MRAP2: variants seen among roughly 807,000 people sequenced by gnomAD.
The protein encoded by MRAP2 is melanocortin 2 receptor accessory protein 2.
Under a neutral mutation model 17.4 loss-of-function variants are expected in MRAP2, and 20 were observed. The ratio of observed to expected loss-of-function variants is 1.15; its 90% CI spans 0.81 to 1.67. MRAP2 has a LOEUF of 1.67. Among genes scored for constraint, MRAP2 ranks in the 40% most tolerant of loss-of-function variants. The pLI, the probability that MRAP2 is intolerant of heterozygous loss-of-function variation, is 0.00. For synonymous variants in MRAP2, 96 were observed against 88.4 expected (o/e 1.09, Z -0.48); for missense variants, 238 against 240.0 (o/e 0.99, Z 0.05).
At chr6:84,094,295 T>C (rs2099502294), downstream of MRAP2, among the ~76,000 whole-genome samples, 1 of 152,228 alleles carries the variant, frequency 6.6e-6, no homozygotes, top group Non-Finnish European at 1.5e-5. Flanking sequence ...CATGCTTTCC[T>C]GATGATGAAT....
chr6:84,104,926 T>C, the MRAP2 span, among the ~76,000 whole-genome samples: 1 of 152,208 alleles, frequency 6.6e-6, no homozygotes, highest in East Asian at 1.9e-4. Context: ...AAGTTCAAAG[T>C]TCCACCAATC....
At chr6:84,046,819 A>C (rs1316533909) in intron 1 of MRAP2, among the ~76,000 whole-genome samples, 1 of 146,524 alleles carries the variant, frequency 6.8e-6, no homozygotes, top group Non-Finnish European at 1.5e-5. Context: ...AGAATTTGGG[A>C]AGTGGCTAGT....
At chr6:84,047,440 C>A (rs977449183) in intron 1 of MRAP2, among the ~76,000 whole-genome samples, 1 of 151,920 alleles carries the variant, frequency 6.6e-6, no homozygotes, top group Admixed American at 6.6e-5. Context: ...AATCCACCTG[C>A]CTTGGCTTCC....
At chr6:84,145,106 C>A in the MRAP2 span, among the ~76,000 whole-genome samples, 2 of 152,038 alleles carry the variant, frequency 1.3e-5, no homozygotes, top group African/African-American at 4.8e-5. Flanking sequence ...CCAATAAAGT[C>A]CCTTGGAAAA....
In MRAP2 at chr6:84,064,705, T is replaced by C. The variant is rs528180792; in HGVS notation, c.227+1713T>C. On this transcript the variant is annotated intron_variant, in intron 3 of 3. Coordinates refer to ENST00000257776, the MANE Select transcript of MRAP2 (RefSeq NM_138409.4). ...GGTTTCACCATGTTAGCCAGGATGG[T>C]CTCGATCTGCTGACTTCGTGATCCG... Among the ~76,000 whole-genome samples the C allele has an allele frequency of 3.3e-5, 5 of 152,260 alleles. No homozygotes were observed. The East Asian group carries it at 5.8e-4, about 18-fold the overall frequency.
chr6:84,144,034 C>A, the MRAP2 span, among the ~76,000 whole-genome samples: 5 of 151,876 alleles, frequency 3.3e-5, no homozygotes, highest in East Asian at 9.6e-4. Flanking sequence ...GACCTGTGAT[C>A]CTATTTAATC....
chr6:84,037,538 G>A (rs1045071914), intron 1 of MRAP2, among the ~76,000 whole-genome samples: 4 of 152,224 alleles, frequency 2.6e-5, no homozygotes, highest in East Asian at 1.9e-4. Context: ...GGCGGCGCCC[G>A]TTGGGGAGGC....
chr6:84,088,236 C>T (rs2497133), intron 3 of MRAP2, among the ~76,000 whole-genome samples: 30,333 of 152,126 alleles, frequency 0.2, 6,234 homozygotes, highest in African/African-American at 0.53. Flanking sequence ...CATGGGCAAT[C>T]CTTCTTTAAG....
At chr6:84,108,006 G>C in the MRAP2 span, among the ~76,000 whole-genome samples, 1 of 152,196 alleles carries the variant, frequency 6.6e-6, no homozygotes, top group Non-Finnish European at 1.5e-5. Flanking sequence ...TACATGTCTT[G>C]CAGGGCTATC....
At chr6:84,133,836 G>A in the MRAP2 span, among the ~76,000 whole-genome samples, 13 of 152,308 alleles carry the variant, frequency 8.5e-5, no homozygotes, top group East Asian at 2.3e-3. Flanking sequence ...GCCCTGCCCT[G>A]CTTCGGCTCA....
chr6:84,130,107 TATAGAG>T, the MRAP2 span, among the ~76,000 whole-genome samples: 26 of 152,344 alleles, frequency 1.7e-4, no homozygotes, highest in South Asian at 1.0e-3. Flanking sequence ...CTTCTGCATC[TATAGAG>T]ATAATCATAT....
the MRAP2 span, among the ~76,000 whole-genome samples, chr6:84,138,049 G>A: frequency 6.6e-6 from 1 of 152,158 alleles, no homozygotes; most frequent in Non-Finnish European, 1.5e-5. Flanking sequence ...GCTTTATGCT[G>A]AAAACTTATA....
chr6:84,044,206 G>A (rs12664126), intron 1 of MRAP2, among the ~76,000 whole-genome samples: 1 of 152,056 alleles, frequency 6.6e-6, no homozygotes, highest in Admixed American at 6.6e-5. Context: ...CTTTTTTTGA[G>A]ACAGAGTTTC....
At chr6:84,080,713 T>C (rs1473543643) in intron 3 of MRAP2, among the ~76,000 whole-genome samples, 1 of 152,218 alleles carries the variant, frequency 6.6e-6, no homozygotes, top group Non-Finnish European at 1.5e-5. Context: ...GTTGTACTTC[T>C]GAAGAATTTT....
At position 84,084,913 on chromosome 6, in the gene MRAP2, A is replaced by AT. The variant is rs369362936; in HGVS notation, c.228-4175dup. On this transcript the variant is annotated intron_variant, in intron 3 of 3. Coordinates refer to ENST00000257776, the MANE Select transcript of MRAP2 (RefSeq NM_138409.4). The stretch of plus-strand genomic sequence containing the variant: ...ATTTTATTTTATTTTATTTTATTTT[A>AT]TTTATTTATTTTATTTTACTTTATT... Among the ~76,000 whole-genome samples, 860 of 98,606 alleles carry AT rather than the reference A, an allele frequency of 8.7e-3. 4 individuals carry two copies. The highest frequency in any genetic ancestry group is 0.035 in the African/African-American group (731 of 21,014). 64.7% of individuals were successfully genotyped at this position (98,606 alleles called of 152,430 possible). A position where few individuals can be genotyped will look rare whatever the true frequency, so the allele number is the denominator to read the frequency against.
At chr6:84,064,709 G>T (rs186560963) in intron 3 of MRAP2, among the ~76,000 whole-genome samples, 78 of 152,230 alleles carry the variant, frequency 5.1e-4, no homozygotes, top group Middle Eastern at 3.4e-3. Flanking sequence ...GGATGGTCTC[G>T]ATCTGCTGAC....
Position 84,068,381 on chromosome 6 carries a change from TC to T in MRAP2, c.227+5391del, listed in dbSNP as rs1467293242. On this transcript the variant is annotated intron_variant, in intron 3 of 3. Transcript: ENST00000257776. ...TTTGGTTATGCAAGCTCTTTTTTGTTCCATATGAATTTTAGAATTATTTTTG... is the reference window on the plus strand; with the variant it reads ...TTTGGTTATGCAAGCTCTTTTTTGTTCATATGAATTTTAGAATTATTTTTG... 2.0e-5 allele frequency among the ~76,000 whole-genome samples: 3 copies of T among 152,322 alleles called. No homozygotes were observed. The South Asian group carries it at 6.2e-4, about 32-fold the overall frequency.
the MRAP2 span, among the ~76,000 whole-genome samples, chr6:84,106,133 A>T: frequency 0.042 from 6,468 of 152,220 alleles, 199 homozygotes; most frequent in Admixed American, 0.086. Flanking sequence ...CATTCTATCA[A>T]GCCAGCTGCT....
chr6:84,129,083 A>C, the MRAP2 span, among the ~76,000 whole-genome samples: 1 of 152,018 alleles, frequency 6.6e-6, no homozygotes. Context: ...TCTTTATCCA[A>C]TCTATCATTG....
Sources: gnomAD v4.1 joint callset for allele counts (sites outside exome capture counted in the v4.1 genomes callset) on GRCh38, gnomAD v4.1.1 for gene constraint, MANE v1.5 for transcripts, NCBI Gene and HGNC (gene_info 2026-07-23, HGNC 2026-07-21) for gene names.